PTPRD: variants seen among roughly 807,000 people sequenced by gnomAD.
The protein encoded by PTPRD is receptor-type tyrosine-protein phosphatase delta.
In PTPRD, 34 loss-of-function variants were observed where a neutral mutation model predicts 214.5. The ratio of observed to expected loss-of-function variants is 0.16; its 90% CI spans 0.12 to 0.21. The LOEUF is 0.21. PTPRD is among the 10% of genes least tolerant of loss of function. The pLI, the probability that PTPRD is intolerant of heterozygous loss-of-function variation, is 1.00. For synonymous variants in PTPRD, 1,128 were observed against 845.7 expected (o/e 1.33, Z -5.79); for missense variants, 2,545 against 2,398.7 (o/e 1.06, Z -1.27).
intron 2 of PTPRD, among the ~76,000 whole-genome samples, chr9:10,550,446 G>A (rs1178084878): frequency 1.3e-5 from 2 of 152,150 alleles, no homozygotes; most frequent in Non-Finnish European, 2.9e-5. Context: ...AGGGAGTAGG[G>A]AAGGATGAAA....
At chr9:8,326,566 G>A (rs954153932) in intron 44 of PTPRD, among the ~76,000 whole-genome samples, 14 of 150,866 alleles carry the variant, frequency 9.3e-5, no homozygotes, top group African/African-American at 2.7e-4. Flanking sequence ...TTTGGTATCA[G>A]GATGATGCTG....
intron 7 of PTPRD, among the ~76,000 whole-genome samples, chr9:9,627,704 G>C (rs571532846): frequency 6.6e-6 from 1 of 152,292 alleles, no homozygotes; most frequent in South Asian, 2.1e-4. Flanking sequence ...AGCTTTCCAA[G>C]AAAGGTTAGA....
intron 4 of PTPRD, among the ~76,000 whole-genome samples, chr9:10,031,647 T>TATATATATATATATATATATATATAC: frequency 1.1e-5 from 1 of 89,690 alleles, no homozygotes; most frequent in Admixed American, 1.1e-4. Context: ...TATATATATA[T>TATATATATATATATATATATATATAC]ACACACACAC....
intron 7 of PTPRD, among the ~76,000 whole-genome samples, chr9:9,653,023 T>A (rs2096405166): frequency 6.6e-6 from 1 of 152,150 alleles, no homozygotes; most frequent in African/African-American, 2.4e-5. Flanking sequence ...AAAGCCCCTA[T>A]TTTTCCTTCA....
chr9:9,564,154 C>G (rs2083696996), intron 8 of PTPRD, among the ~76,000 whole-genome samples: 1 of 152,108 alleles, frequency 6.6e-6, no homozygotes, highest in South Asian at 2.1e-4. Flanking sequence ...ATTAGAAACA[C>G]CAGCTGAGCT....
At chr9:10,123,375 C>A (rs180697412) in intron 3 of PTPRD, among the ~76,000 whole-genome samples, 14 of 152,270 alleles carry the variant, frequency 9.2e-5, no homozygotes, top group Admixed American at 7.2e-4. Context: ...TATTTTAGGT[C>A]TTTTGTATTT....
chr9:9,059,948 C>T (rs2099704052), intron 10 of PTPRD, among the ~76,000 whole-genome samples: 1 of 151,962 alleles, frequency 6.6e-6, no homozygotes, highest in African/African-American at 2.4e-5. Context: ...TGGAAAGATT[C>T]AATATTGTAA....
intron 12 of PTPRD, chr9:8,700,503 A>G (rs2098051975): frequency 6.6e-6 from 1 of 152,246 alleles, no homozygotes; most frequent in Non-Finnish European, 1.5e-5. Context: ...GCAAAGATGT[A>G]TTATGATGTG....
chr9:9,409,121 T>C (rs1357699792), intron 8 of PTPRD, among the ~76,000 whole-genome samples: 2 of 151,954 alleles, frequency 1.3e-5, no homozygotes, highest in Non-Finnish European at 2.9e-5. Context: ...ATTCTCATAT[T>C]ATGCTTTCTT....
chr9:10,554,791 G>C (rs889314764), intron 2 of PTPRD, among the ~76,000 whole-genome samples: 1 of 152,180 alleles, frequency 6.6e-6, no homozygotes, highest in Non-Finnish European at 1.5e-5. Context: ...CTCCCGAGTA[G>C]CTGGGACTAC....
intron 8 of PTPRD, among the ~76,000 whole-genome samples, chr9:9,485,691 A>G (rs936988705): frequency 6.6e-6 from 1 of 152,120 alleles, no homozygotes; most frequent in African/African-American, 2.4e-5. Context: ...TTCCTCTTCT[A>G]AAGTATTGCG....
intron 7 of PTPRD, among the ~76,000 whole-genome samples, chr9:9,710,525 A>G (rs1055986808): frequency 6.6e-6 from 1 of 152,118 alleles, no homozygotes. Flanking sequence ...ATTGGAAAGC[A>G]ACTCATGGTG....
chr9:9,162,470 C>G (rs1175003982), intron 10 of PTPRD, among the ~76,000 whole-genome samples: 1 of 152,212 alleles, frequency 6.6e-6, no homozygotes, highest in Middle Eastern at 3.4e-3. Flanking sequence ...CAGCATACAC[C>G]TTTTCCTTTG....
At chr9:8,601,583 C>T (rs188039235) in intron 14 of PTPRD, among the ~76,000 whole-genome samples, 2 of 152,288 alleles carry the variant, frequency 1.3e-5, no homozygotes, top group Admixed American at 6.5e-5. Context: ...GGCAAGAGAA[C>T]AACAGTTTCT....
At chr9:9,936,371 C>T (rs1385612066) in intron 5 of PTPRD, among the ~76,000 whole-genome samples, 2 of 151,698 alleles carry the variant, frequency 1.3e-5, no homozygotes, top group Non-Finnish European at 2.9e-5. Flanking sequence ...TGAACTCAAA[C>T]AAATTTACAA....
chr9:9,828,947 T>C (rs1257790204), intron 5 of PTPRD, among the ~76,000 whole-genome samples: 1 of 151,986 alleles, frequency 6.6e-6, no homozygotes, highest in Admixed American at 6.6e-5. Context: ...TACATAAATT[T>C]AAAATTGTAA....
At chr9:9,293,116 T>C (rs1595305288) in intron 9 of PTPRD, among the ~76,000 whole-genome samples, 1 of 151,554 alleles carries the variant, frequency 6.6e-6, no homozygotes, top group Admixed American at 6.6e-5. Context: ...TGGAGAGTTA[T>C]GCTTTACCTT....
intron 12 of PTPRD, among the ~76,000 whole-genome samples, chr9:8,688,645 A>C (rs991809461): frequency 6.6e-6 from 1 of 152,106 alleles, no homozygotes; most frequent in Non-Finnish European, 1.5e-5. Flanking sequence ...GTTATGTAAG[A>C]AGAAAAACAT....
intron 5 of PTPRD, among the ~76,000 whole-genome samples, chr9:9,858,428 G>C (rs1182474132): frequency 6.6e-6 from 1 of 152,146 alleles, no homozygotes; most frequent in Admixed American, 6.5e-5. Context: ...GACTGTTCTA[G>C]TTAAACAAAT....
Sources: gnomAD v4.1 joint callset for allele counts (sites outside exome capture counted in the v4.1 genomes callset) on GRCh38, gnomAD v4.1.1 for gene constraint, MANE v1.5 for transcripts, NCBI Gene and HGNC (gene_info 2026-07-23, HGNC 2026-07-21) for gene names.